The following ARMC3 variants were observed in gnomAD, a reference collection of about 807,000 sequenced individuals.
ARMC3 encodes the protein armadillo repeat containing 3, also known as armadillo repeat-containing protein 3.
In ARMC3, 74 loss-of-function variants were observed where a neutral mutation model predicts 90.3. The ratio of observed to expected loss-of-function variants is 0.82; its 90% CI spans 0.68 to 0.99. ARMC3 has a LOEUF of 0.99. Ranked by LOEUF, ARMC3 falls within the 50% of genes least tolerant of loss-of-function variation. The probability of loss-of-function intolerance (pLI) is 0.00; values close to 1 mark genes in which losing one functional copy is unlikely to be tolerated. For synonymous variants in ARMC3, 334 were observed against 361.8 expected (o/e 0.92, Z 0.87); for missense variants, 958 against 1,042.8 (o/e 0.92, Z 1.12).
At chr10:22,999,150 CTCTTA>C (rs1257885193) in intron 11 of ARMC3, among the ~76,000 whole-genome samples, 1 of 149,120 alleles carries the variant, frequency 6.7e-6, no homozygotes, top group Admixed American at 6.6e-5. Flanking sequence ...TCTTGTGTTT[CTCTTA>C]TATTTCTTAT....
intron 16 of ARMC3, among the ~76,000 whole-genome samples, chr10:23,018,795 C>T (rs928095603): frequency 3.9e-5 from 6 of 152,090 alleles, no homozygotes; most frequent in African/African-American, 1.2e-4. Flanking sequence ...GGATTACAGG[C>T]GTGAGCCACC....
intron 16 of ARMC3, among the ~76,000 whole-genome samples, chr10:23,024,833 T>G (rs752372968): frequency 7.2e-5 from 11 of 152,216 alleles, no homozygotes; most frequent in Non-Finnish European, 1.6e-4. Context: ...ATGATCCGAC[T>G]GTATGCTGTT....
chr10:22,965,544 C>G (rs1248909710), intron 7 of ARMC3, among the ~76,000 whole-genome samples: 2 of 152,138 alleles, frequency 1.3e-5, no homozygotes, highest in African/African-American at 2.4e-5. Flanking sequence ...GCTTGGGGTG[C>G]TTGACCTTCT....
chr10:22,986,137 A>G (rs963665017), intron 10 of ARMC3, among the ~76,000 whole-genome samples: 8 of 91,252 alleles, frequency 8.8e-5, no homozygotes, highest in East Asian at 5.2e-4. Flanking sequence ...CACACCAACC[A>G]CTAGCATCCA....
chr10:22,996,916 C>G (rs1340797345), intron 10 of ARMC3, among the ~76,000 whole-genome samples: 1 of 143,996 alleles, frequency 6.9e-6, no homozygotes, highest in Non-Finnish European at 1.5e-5. Context: ...AATCATATAG[C>G]TTCAGTTGTT....
intron 16 of ARMC3, among the ~76,000 whole-genome samples, chr10:23,027,434 T>G (rs1458802063): frequency 1.3e-5 from 2 of 152,224 alleles, no homozygotes; most frequent in Non-Finnish European, 2.9e-5. Context: ...GATTTGCACA[T>G]GTTCCTTGTT....
At chr10:23,021,528 G>A (rs573021211) in intron 16 of ARMC3, among the ~76,000 whole-genome samples, 22 of 152,174 alleles carry the variant, frequency 1.4e-4, no homozygotes, top group Non-Finnish European at 1.9e-4. Flanking sequence ...GGTGTGAGAC[G>A]GTATTCTCAT....
intron 7 of ARMC3, among the ~76,000 whole-genome samples, chr10:22,964,121 G>A (rs1325055704): frequency 6.6e-6 from 1 of 151,922 alleles, no homozygotes; most frequent in Non-Finnish European, 1.5e-5. Flanking sequence ...TTCTATATGT[G>A]AGCAATGAAC....
rs536479212 is a variant in ARMC3, at chr10:23,028,970, T to C, written c.2046-1626T>C. Among the ~76,000 whole-genome samples the C allele has an allele frequency of 5.9e-5, 9 of 152,306 alleles. No individual in the cohort carries two copies. In the South Asian group the frequency reaches 1.2e-3, roughly 21 times the overall value. On this transcript the variant is annotated intron_variant, in intron 16 of 18. Coordinates refer to ENST00000298032, the MANE Select transcript of ARMC3 (RefSeq NM_173081.5). Reference sequence around the variant, plus strand: ...TCCAGCCAGAAAACTTTATTTACCTTGATCTACTGCACTCTTGACATGACT... The same window carrying C: ...TCCAGCCAGAAAACTTTATTTACCTCGATCTACTGCACTCTTGACATGACT...
intron 10 of ARMC3, among the ~76,000 whole-genome samples, chr10:22,989,710 T>A (rs1002383028): frequency 2.0e-5 from 3 of 152,242 alleles, no homozygotes; most frequent in African/African-American, 7.2e-5. Context: ...AAAGTCCTCA[T>A]GGTAAACCTG....
rs773656092 is a variant in ARMC3, at chr10:23,037,402, G to A, written c.2542G>A (p.Val848Met). ...IGGLPAPEMY[V>M]IDLMFHPGGL... ...GGGCCTCCCCGCTCCTGAGATGTACGTGATTGACCTCATGTTCCATCCAGG... is the reference window on the plus strand; with the variant it reads ...GGGCCTCCCCGCTCCTGAGATGTACATGATTGACCTCATGTTCCATCCAGG... The change falls in exon 19 of 19, where the codon GTG becomes ATG. Residue 848 changes from valine (V) to methionine (M), a missense_variant. Val to Met is a conservative substitution (Grantham distance 21). Transcript: ENST00000298032. The A allele has an allele frequency of 6.2e-6, 10 of 1,613,964 alleles. No individual in the cohort carries two copies. The highest frequency in any genetic ancestry group is 8.5e-6 in the Non-Finnish European group (10 of 1,179,974).
At chr10:22,946,437 G>T in intron 3 of ARMC3, 176 bp downstream of exon 3, 1 of 449,520 alleles carries the variant, frequency 2.2e-6, no homozygotes, top group Non-Finnish European at 4.0e-6. Context: ...TGAGTTCCTA[G>T]CTTAATCTTA....
At position 22,987,249 on chromosome 10, in the gene ARMC3, C is replaced by T. The variant is rs117825696; in HGVS notation, c.1175+5549C>T. Among the ~76,000 whole-genome samples, 843 of 152,216 alleles carry T rather than the reference C, an allele frequency of 5.5e-3. 4 individuals carry two copies. Among genetic ancestry groups the T allele is most frequent in the Non-Finnish European group, 7.6e-3 (516 of 68,006 alleles). On this transcript the variant is annotated intron_variant, in intron 10 of 18. Coordinates refer to ENST00000298032, the MANE Select transcript of ARMC3 (RefSeq NM_173081.5). ...CTATCCAATTAATCATATCAAAGTT[C>T]CATATTATTTATGCAAGTACTGAGA... is the stretch of plus-strand genomic sequence containing the variant.
chr10:22,964,762 T>TC (rs60579239), intron 7 of ARMC3, among the ~76,000 whole-genome samples: 1 of 151,824 alleles, frequency 6.6e-6, no homozygotes, highest in Non-Finnish European at 1.5e-5. Context: ...TTTTTTTTTT[T>TC]CTTTAGTGTT....
intron 3 of ARMC3, among the ~76,000 whole-genome samples, chr10:22,951,734 A>G (rs957979620): frequency 6.6e-6 from 1 of 152,228 alleles, no homozygotes; most frequent in African/African-American, 2.4e-5. Flanking sequence ...CAAAAGTGCC[A>G]CTCAAAGTAT....
chr10:22,930,068 C>G (rs1055285978), intron 1 of ARMC3, among the ~76,000 whole-genome samples: 1 of 151,980 alleles, frequency 6.6e-6, no homozygotes, highest in Non-Finnish European at 1.5e-5. Flanking sequence ...TATTCATAAG[C>G]AATTATTTTA....
At chr10:22,931,075 C>T (rs749592690) in intron 1 of ARMC3, among the ~76,000 whole-genome samples, 4 of 152,080 alleles carry the variant, frequency 2.6e-5, no homozygotes, top group Admixed American at 6.6e-5. Context: ...CTACAAGGCA[C>T]GTGCCACCAC....
chr10:22,931,065 C>T (rs1178787168), intron 1 of ARMC3, among the ~76,000 whole-genome samples: 1 of 152,076 alleles, frequency 6.6e-6, no homozygotes, highest in Admixed American at 6.5e-5. Context: ...GTAGCTGGGA[C>T]TACAAGGCAC....
intron 16 of ARMC3, among the ~76,000 whole-genome samples, chr10:23,021,803 G>A (rs1260428455): frequency 6.6e-6 from 1 of 152,072 alleles, no homozygotes; most frequent in Non-Finnish European, 1.5e-5. Context: ...AGTTTCTTTT[G>A]CTGTGCAGAA....
Sources: gnomAD v4.1 joint callset for allele counts (sites outside exome capture counted in the v4.1 genomes callset) on GRCh38, gnomAD v4.1.1 for gene constraint, MANE v1.5 for transcripts, NCBI Gene and HGNC (gene_info 2026-07-23, HGNC 2026-07-21) for gene names.